Variants in DPYD observed in about 807,000 individuals in gnomAD.
The protein encoded by DPYD is dihydropyrimidine dehydrogenase [NADP(+)].
In DPYD, 109 loss-of-function variants were observed where a neutral mutation model predicts 116.2. That is an observed-to-expected ratio of 0.94 (90% CI 0.80 to 1.10). The LOEUF (loss-of-function observed/expected upper bound fraction) is 1.10. Ranked by LOEUF, DPYD falls within the 50% of genes least tolerant of loss-of-function variation. DPYD has a pLI of 0.00. For missense variants in DPYD, 1,302 were observed against 1,254.5 expected, an observed-to-expected ratio of 1.04 and a Z score of -0.57; for synonymous variants, 440 against 432.0, an observed-to-expected ratio of 1.02 and a Z score of -0.23.
intron 14 of DPYD, among the ~76,000 whole-genome samples, chr1:97,405,470 T>G (rs946892239): frequency 6.6e-6 from 1 of 152,066 alleles, no homozygotes; most frequent in African/African-American, 2.4e-5. Context: ...TAATTCTACA[T>G]TGGTGAGTTT....
intron 20 of DPYD, among the ~76,000 whole-genome samples, chr1:97,180,472 T>C (rs1657573380): frequency 6.6e-6 from 1 of 152,154 alleles, no homozygotes. Context: ...TTGCTATAAA[T>C]GTCCACTGAT....
At chr1:97,556,512 C>A (rs1363847710) in intron 11 of DPYD, among the ~76,000 whole-genome samples, 2 of 108,572 alleles carry the variant, frequency 1.8e-5, no homozygotes, top group African/African-American at 3.5e-5. Flanking sequence ...CCCCTCCCCC[C>A]ACCCCACAAC....
chr1:97,111,164 C>T (rs1255842561), intron 20 of DPYD, among the ~76,000 whole-genome samples: 1 of 152,094 alleles, frequency 6.6e-6, no homozygotes, highest in Non-Finnish European at 1.5e-5. Flanking sequence ...CATCCTTGGG[C>T]TACTGCAATA....
chr1:97,180,585 C>T (rs1657579052), intron 20 of DPYD, among the ~76,000 whole-genome samples: 1 of 151,924 alleles, frequency 6.6e-6, no homozygotes, highest in African/African-American at 2.4e-5. Flanking sequence ...ATTTTAAATC[C>T]TCAATCTCCA....
chr1:97,509,757 C>T (rs1647634287), intron 13 of DPYD, among the ~76,000 whole-genome samples: 1 of 151,930 alleles, frequency 6.6e-6, no homozygotes, highest in Non-Finnish European at 1.5e-5. Context: ...TGCAGTAAGA[C>T]AGTTTGTTAA....
intron 20 of DPYD, among the ~76,000 whole-genome samples, chr1:97,113,225 A>G (rs1175143705): frequency 6.6e-6 from 1 of 152,142 alleles, no homozygotes; most frequent in Non-Finnish European, 1.5e-5. Context: ...ACTGAATCCT[A>G]TAGAAAGATT....
intron 12 of DPYD, among the ~76,000 whole-genome samples, chr1:97,545,176 GAA>G (rs1018719966): frequency 6.6e-6 from 1 of 151,882 alleles, no homozygotes; most frequent in African/African-American, 2.4e-5. Context: ...GTCTTATAAT[GAA>G]AAAAAATTAT....
chr1:97,552,357 C>T (rs944346623), intron 11 of DPYD, among the ~76,000 whole-genome samples: 2 of 152,064 alleles, frequency 1.3e-5, no homozygotes, highest in African/African-American at 4.8e-5. Context: ...AAAAAATGTA[C>T]ATAGAACAAT....
chr1:97,868,296 A>T (rs1271472458), intron 2 of DPYD, among the ~76,000 whole-genome samples: 1 of 151,870 alleles, frequency 6.6e-6, no homozygotes, highest in South Asian at 2.1e-4. Flanking sequence ...AAATGGGGCC[A>T]CAGTAGGCCA....
At chr1:97,497,656 A>G (rs1465207293) in intron 13 of DPYD, among the ~76,000 whole-genome samples, 1 of 151,860 alleles carries the variant, frequency 6.6e-6, no homozygotes, top group East Asian at 1.9e-4. Flanking sequence ...TGAAGTTTAT[A>G]ACAAAAAAGA....
intron 14 of DPYD, among the ~76,000 whole-genome samples, chr1:97,404,924 ACTT>A (rs1229235284): frequency 7.4e-6 from 1 of 135,022 alleles, no homozygotes; most frequent in East Asian, 2.1e-4. Context: ...ATTTTTTTCT[ACTT>A]CTTTTTAGCA....
At chr1:97,263,250 G>C (rs1436180183) in intron 18 of DPYD, among the ~76,000 whole-genome samples, 1 of 152,046 alleles carries the variant, frequency 6.6e-6, no homozygotes, top group Non-Finnish European at 1.5e-5. Context: ...AAGAAGAGAA[G>C]AAATTGCATA....
At chr1:97,548,359 G>T (rs979250107) in intron 12 of DPYD, among the ~76,000 whole-genome samples, 1 of 152,150 alleles carries the variant, frequency 6.6e-6, no homozygotes, top group Admixed American at 6.6e-5. Flanking sequence ...GACCACAGTC[G>T]TTGTGGCAAA....
intron 20 of DPYD, among the ~76,000 whole-genome samples, chr1:97,101,467 T>C (rs1650679100): frequency 1.5e-5 from 1 of 65,200 alleles, no homozygotes. Context: ...GTTTTGATCT[T>C]GCAAAAAAAA....
intron 20 of DPYD, among the ~76,000 whole-genome samples, chr1:97,163,157 T>C (rs939291723): frequency 3.3e-5 from 5 of 152,034 alleles, no homozygotes; most frequent in Admixed American, 3.3e-4. Context: ...AAAGAGCTTC[T>C]GCACAGCAAA....
At chr1:97,092,767 C>T (rs1207979768) in intron 21 of DPYD, among the ~76,000 whole-genome samples, 1 of 152,032 alleles carries the variant, frequency 6.6e-6, no homozygotes, top group Non-Finnish European at 1.5e-5. Context: ...ACACTAACAT[C>T]AAAACCTTAA....
chr1:97,234,021 G>T (rs1661746771), intron 19 of DPYD, among the ~76,000 whole-genome samples: 1 of 152,140 alleles, frequency 6.6e-6, no homozygotes, highest in Admixed American at 6.6e-5. Context: ...CCTTTTGCCA[G>T]AGAATATGTG....
At chr1:97,461,780 T>C (rs1356444257) in intron 13 of DPYD, among the ~76,000 whole-genome samples, 1 of 152,238 alleles carries the variant, frequency 6.6e-6, no homozygotes, top group Non-Finnish European at 1.5e-5. Flanking sequence ...AAAAATGTAT[T>C]ATGTCCTACA....
chr1:97,673,947 T>C (rs1303877111), intron 8 of DPYD, among the ~76,000 whole-genome samples: 1 of 152,126 alleles, frequency 6.6e-6, no homozygotes. Flanking sequence ...CTGAATCACA[T>C]AATTTAATAG....
Sources: allele counts gnomAD v4.1 joint callset (sites outside exome capture counted in the v4.1 genomes callset), GRCh38; gene constraint gnomAD v4.1.1; transcripts MANE v1.5; gene names NCBI Gene and HGNC (gene_info 2026-07-23, HGNC 2026-07-21).